MVB12B: variants seen among roughly 807,000 people sequenced by gnomAD.
The protein encoded by MVB12B is ESCRT-I complex subunit MVB12B.
MVB12B carries 16 observed loss-of-function variants against 41.6 expected under a neutral mutation model. The ratio of observed to expected loss-of-function variants is 0.38; its 90% CI spans 0.26 to 0.58. The LOEUF (loss-of-function observed/expected upper bound fraction) is 0.58, where lower values mean the gene tolerates loss of function less well. Among genes scored for constraint, MVB12B ranks in the 20% least tolerant of loss-of-function variants. The pLI is 0.62. For synonymous variants in MVB12B, 133 were observed against 139.7 expected (o/e 0.95, Z 0.34); for missense variants, 274 against 380.2 (o/e 0.72, Z 2.32).
chr9:126,374,254 C>CT lies in MVB12B; in HGVS notation c.205-6809dup, dbSNP rs1172057565. Among the ~76,000 whole-genome samples, 13 of 152,246 alleles carry CT rather than the reference C, an allele frequency of 8.5e-5. No homozygotes were observed. The East Asian group carries it at 2.5e-3, about 29-fold the overall frequency. On this transcript the variant is annotated intron_variant, in intron 2 of 9. Transcript: ENST00000361171. ...TTAATATGACAACTTTATTTCTACC[C>CT]TAGGGTCTTCACAGTAACTGTCTCC... is the stretch of plus-strand genomic sequence containing the variant.
At chr9:126,442,260 G>A (rs1261038836) in intron 7 of MVB12B, among the ~76,000 whole-genome samples, 1 of 152,196 alleles carries the variant, frequency 6.6e-6, no homozygotes, top group African/African-American at 2.4e-5. Context: ...GGGCCCTAGA[G>A]GCTCCTCCCA....
rs114733928 is a variant in MVB12B, at chr9:126,446,968, A to G, written c.757+25020A>G. ...TTTTTTTTTTTTTTTCCTTTGAGAC[A>G]ATGTCTCACTCTGTTGTCCAGGCTG... On this transcript the variant is annotated intron_variant, in intron 7 of 9. Coordinates refer to ENST00000361171, the MANE Select transcript of MVB12B (RefSeq NM_033446.3). Among the ~76,000 whole-genome samples the G allele has an allele frequency of 5.0e-3, 639 of 127,478 alleles. 5 individuals carry two copies. Among genetic ancestry groups the G allele is most frequent in the African/African-American group, 0.018 (620 of 33,998 alleles). The allele number at this position is 127,478 out of a possible 152,430, so 83.6% of individuals were successfully genotyped here.
intron 6 of MVB12B, chr9:126,397,682 A>G: frequency 1.0e-6 from 1 of 977,000 alleles, no homozygotes; most frequent in Non-Finnish European, 1.2e-6. Flanking sequence ...CACCTATGTA[A>G]GCCTCATCCA....
chr9:126,361,380 A>G (rs1462100203), intron 2 of MVB12B, among the ~76,000 whole-genome samples: 13 of 151,872 alleles, frequency 8.6e-5, no homozygotes, highest in South Asian at 2.1e-4. Context: ...GTTGGCATAC[A>G]TTTTTTTTCT....
intron 1 of MVB12B, among the ~76,000 whole-genome samples, chr9:126,328,131 T>G (rs1829034273): frequency 6.6e-6 from 1 of 152,206 alleles, no homozygotes; most frequent in Non-Finnish European, 1.5e-5. Context: ...CTCAATGTGC[T>G]AGGATGTTTA....
chr9:126,496,204 C>CCCATCCAT (rs1554787397), intron 9 of MVB12B, among the ~76,000 whole-genome samples: 96 of 122,190 alleles, frequency 7.9e-4, no homozygotes, highest in African/African-American at 3.0e-3. Context: ...CACCCACCTA[C>CCCATCCAT]CCACCCGTCC....
At chr9:126,494,349 C>T (rs1252826965) in intron 9 of MVB12B, among the ~76,000 whole-genome samples, 1 of 152,200 alleles carries the variant, frequency 6.6e-6, no homozygotes, top group East Asian at 1.9e-4. Flanking sequence ...CCACCACCAC[C>T]ACACATCTTG....
At chr9:126,334,007 G>GTT (rs1345346920) in intron 1 of MVB12B, among the ~76,000 whole-genome samples, 4 of 152,192 alleles carry the variant, frequency 2.6e-5, no homozygotes, top group African/African-American at 7.2e-5. Context: ...ACCAGCTCAG[G>GTT]CCTACTGCAT....
chr9:126,425,068 A>G (rs1339895400), intron 7 of MVB12B, among the ~76,000 whole-genome samples: 4 of 152,234 alleles, frequency 2.6e-5, no homozygotes, highest in Non-Finnish European at 5.9e-5. Context: ...TTAAGTGGAA[A>G]GAAAAACAGG....
intron 2 of MVB12B, among the ~76,000 whole-genome samples, chr9:126,342,276 A>C (rs946873093): frequency 2.0e-5 from 3 of 152,184 alleles, no homozygotes; most frequent in Admixed American, 2.0e-4. Flanking sequence ...GCTTGAGCCC[A>C]AGGCAGGGGT....
At chr9:126,332,621 C>A (rs185786252) in intron 1 of MVB12B, among the ~76,000 whole-genome samples, 2 of 152,262 alleles carry the variant, frequency 1.3e-5, no homozygotes, top group African/African-American at 2.4e-5. Context: ...GAATCAGTGA[C>A]CCCAGACCCC....
intron 7 of MVB12B, among the ~76,000 whole-genome samples, chr9:126,423,598 C>CTAACCT (rs1364264607): frequency 6.6e-6 from 1 of 152,208 alleles, no homozygotes. Context: ...CAGGCAATTT[C>CTAACCT]AGGCCTCCTC....
intron 3 of MVB12B, among the ~76,000 whole-genome samples, chr9:126,384,178 T>G (rs1490063069): frequency 6.6e-6 from 1 of 152,140 alleles, no homozygotes; most frequent in African/African-American, 2.4e-5. Flanking sequence ...GTTCAAACCC[T>G]TCCTACACGG....
At chr9:126,435,254 A>G (rs1832439754) in intron 7 of MVB12B, among the ~76,000 whole-genome samples, 1 of 152,198 alleles carries the variant, frequency 6.6e-6, no homozygotes, top group Non-Finnish European at 1.5e-5. Flanking sequence ...ACCAGAAGGC[A>G]CTGGTCTCAT....
At chr9:126,377,258 ATGTG>A (rs1467531955) in intron 2 of MVB12B, among the ~76,000 whole-genome samples, 3 of 152,206 alleles carry the variant, frequency 2.0e-5, no homozygotes, top group Non-Finnish European at 2.9e-5. Context: ...GGTTGTGAGA[ATGTG>A]TGAGTGTGAG....
At chr9:126,418,339 C>G (rs1379267914) in intron 6 of MVB12B, among the ~76,000 whole-genome samples, 1 of 152,110 alleles carries the variant, frequency 6.6e-6, no homozygotes, top group African/African-American at 2.4e-5. Context: ...CTTGATTTCT[C>G]TGTTGTTCAT....
At position 126,459,948 on chromosome 9, in the gene MVB12B, T is replaced by TTGGGGCA. The variant is rs1188368811; in HGVS notation, c.758-21418_758-21412dup. Among the ~76,000 whole-genome samples, 2 of 152,296 alleles carry TTGGGGCA rather than the reference T, an allele frequency of 1.3e-5. No homozygotes were observed. The highest frequency in any genetic ancestry group is 2.9e-5 in the Non-Finnish European group (2 of 68,018). On this transcript the variant is annotated intron_variant, in intron 7 of 9. Coordinates refer to ENST00000361171, the MANE Select transcript of MVB12B (RefSeq NM_033446.3). This position sits in a 1 kb window ranked among gnomAD's most constrained non-coding sequence, Gnocchi z 4.3. ...GTTGGGAAGCAGCTTCCCCTGCGAT[T>TTGGGGCA]TGGGGCATGTGCTTTGGACTTTGAA...
intron 2 of MVB12B, 79 bp from the exon 3 acceptor site, chr9:126,380,985 C>A: frequency 2.0e-6 from 2 of 1,011,844 alleles, no homozygotes; most frequent in Non-Finnish European, 3.1e-6. Context: ...TTGGAACAGG[C>A]GTGGAAGAAG....
chr9:126,336,893 G>C (rs1829299451), intron 1 of MVB12B, among the ~76,000 whole-genome samples: 1 of 152,194 alleles, frequency 6.6e-6, no homozygotes, highest in Non-Finnish European at 1.5e-5. Flanking sequence ...TGCCCGCTTA[G>C]GGGAGAGGTC....
Sources: allele counts gnomAD v4.1 joint callset (sites outside exome capture counted in the v4.1 genomes callset), GRCh38; gene constraint gnomAD v4.1.1; non-coding constraint Gnocchi (gnomAD v3.1); transcripts MANE v1.5; gene names NCBI Gene and HGNC (gene_info 2026-07-23, HGNC 2026-07-21).